The following FRMD3 variants were observed in gnomAD, a reference collection of about 807,000 sequenced individuals.
The protein encoded by FRMD3 is FERM domain-containing protein 3.
In FRMD3, 33 loss-of-function variants were observed where a neutral mutation model predicts 70.2. The ratio of observed to expected loss-of-function variants is 0.47; its 90% CI spans 0.36 to 0.63. The LOEUF is 0.63. Among genes scored for constraint, FRMD3 ranks in the 20% least tolerant of loss-of-function variants. FRMD3 has a pLI of 0.00. For missense variants in FRMD3, 632 were observed against 711.4 expected, an observed-to-expected ratio of 0.89 and a Z score of 1.27; for synonymous variants, 279 against 255.9, an observed-to-expected ratio of 1.09 and a Z score of -0.86.
upstream of FRMD3, among the ~76,000 whole-genome samples, chr9:83,540,159 T>C (rs1398498145): frequency 1.3e-5 from 2 of 152,124 alleles, no homozygotes; most frequent in Non-Finnish European, 2.9e-5. Flanking sequence ...CATATGCACA[T>C]ATGAGGTGGC....
chr9:83,580,343 A>G, the FRMD3 span, among the ~76,000 whole-genome samples: 1 of 152,096 alleles, frequency 6.6e-6, no homozygotes, highest in South Asian at 2.1e-4. Context: ...CATACTCCCA[A>G]TAGCCAAGAT....
intron 13 of FRMD3, among the ~76,000 whole-genome samples, chr9:83,264,926 G>A (rs759501655): frequency 2.6e-5 from 4 of 151,876 alleles, no homozygotes; most frequent in Non-Finnish European, 5.9e-5. Flanking sequence ...CAATTTTGAA[G>A]GTCATAAGCA....
rs548001075 is a variant in FRMD3 at position 83,300,333 on chromosome 9, G to A, written c.927-1147C>T. ...GGCTGAAAGGTGTTAACCAGGGCAC[G>A]GTGCAAGTGGTGGTGGATATACCCA... On this transcript the variant is annotated intron_variant, in intron 10 of 13. Coordinates refer to ENST00000304195, the MANE Select transcript of FRMD3 (RefSeq NM_174938.6). Among the ~76,000 whole-genome samples the A allele has an allele frequency of 3.3e-5, 5 of 152,326 alleles. No homozygotes were observed. The South Asian group carries it at 8.3e-4, about 25-fold the overall frequency.
At chr9:83,526,342 G>T (rs1829683295) in intron 1 of FRMD3, among the ~76,000 whole-genome samples, 1 of 152,180 alleles carries the variant, frequency 6.6e-6, no homozygotes, top group Non-Finnish European at 1.5e-5. Context: ...GTCTCTCCTG[G>T]AATGGCATCG....
intron 1 of FRMD3, among the ~76,000 whole-genome samples, chr9:83,508,558 A>G (rs1223885353): frequency 1.3e-5 from 2 of 151,786 alleles, no homozygotes; most frequent in African/African-American, 4.8e-5. Context: ...GTGTCCTTCT[A>G]CTCTGTTTAA....
chr9:83,467,549 C>A (rs1194428501), intron 1 of FRMD3: 4 of 957,672 alleles, frequency 4.2e-6, no homozygotes, highest in Non-Finnish European at 6.5e-6. Flanking sequence ...TGCATAGTAA[C>A]TCATGACATG....
chr9:83,507,693 T>TATATAC (rs1829224342), intron 1 of FRMD3, among the ~76,000 whole-genome samples: 1 of 27,226 alleles, frequency 3.7e-5, no homozygotes, highest in East Asian at 1.5e-3. Flanking sequence ...TATACATACA[T>TATATAC]ATATATATAT....
upstream of FRMD3, among the ~76,000 whole-genome samples, chr9:83,541,867 C>G (rs922086923): frequency 2.6e-5 from 4 of 152,194 alleles, no homozygotes; most frequent in Non-Finnish European, 4.4e-5. Context: ...AAAGGCCAGG[C>G]TAAAATCCCC....
At chr9:83,420,660 G>A (rs1005417438) in intron 1 of FRMD3, among the ~76,000 whole-genome samples, 1 of 152,136 alleles carries the variant, frequency 6.6e-6, no homozygotes, top group African/African-American at 2.4e-5. Context: ...AGTGTTGGAG[G>A]TGGGCCCTGG....
intron 1 of FRMD3, among the ~76,000 whole-genome samples, chr9:83,529,368 G>C (rs1472927062): frequency 6.6e-6 from 1 of 152,208 alleles, no homozygotes; most frequent in East Asian, 1.9e-4. Context: ...AATAGATACA[G>C]ATTTATTCTG....
At chr9:83,421,817 G>A (rs1826652210) in intron 1 of FRMD3, among the ~76,000 whole-genome samples, 1 of 152,222 alleles carries the variant, frequency 6.6e-6, no homozygotes, top group African/African-American at 2.4e-5. Context: ...AATGTAAGGA[G>A]TTGGAGGTCA....
At chr9:83,251,333 A>G (rs533402624) in intron 13 of FRMD3, among the ~76,000 whole-genome samples, 2 of 152,316 alleles carry the variant, frequency 1.3e-5, no homozygotes, top group Non-Finnish European at 2.9e-5. Flanking sequence ...AACATCAACA[A>G]AAAAGACCCC....
intron 1 of FRMD3, among the ~76,000 whole-genome samples, chr9:83,508,237 A>T (rs1014655715): frequency 2.6e-5 from 4 of 152,224 alleles, no homozygotes; most frequent in African/African-American, 9.6e-5. Flanking sequence ...CTATGATGTC[A>T]GAAGCCAAGA....
intron 1 of FRMD3, among the ~76,000 whole-genome samples, chr9:83,406,722 T>G (rs1826116214): frequency 6.6e-6 from 1 of 152,226 alleles, no homozygotes; most frequent in African/African-American, 2.4e-5. Context: ...GGGTCCTTAT[T>G]TGGTGGTCAG....
At chr9:83,536,028 G>A (rs1162262189) in intron 1 of FRMD3, among the ~76,000 whole-genome samples, 1 of 152,166 alleles carries the variant, frequency 6.6e-6, no homozygotes, top group Non-Finnish European at 1.5e-5. Context: ...AGTACTCTAG[G>A]AAAGTGTGAG....
intron 2 of FRMD3, among the ~76,000 whole-genome samples, chr9:83,386,310 T>C (rs980859317): frequency 1.3e-5 from 2 of 152,174 alleles, no homozygotes; most frequent in Non-Finnish European, 2.9e-5. Context: ...CAAAAGGCTA[T>C]AACAGCTGTA....
At chr9:83,298,419 A>G (rs1429162623) in intron 12 of FRMD3, among the ~76,000 whole-genome samples, 2 of 152,236 alleles carry the variant, frequency 1.3e-5, no homozygotes, top group East Asian at 3.8e-4. Flanking sequence ...AGGCAGGAAC[A>G]GAGAACTTGT....
chr9:83,492,613 T>G (rs924117548), intron 1 of FRMD3, among the ~76,000 whole-genome samples: 1 of 152,198 alleles, frequency 6.6e-6, no homozygotes, highest in African/African-American at 2.4e-5. Flanking sequence ...TAACCCTGTC[T>G]GGCCACCGGG....
chr9:83,392,290 G>A (rs1825687346), intron 1 of FRMD3, among the ~76,000 whole-genome samples: 1 of 152,062 alleles, frequency 6.6e-6, no homozygotes, highest in South Asian at 2.1e-4. Context: ...AAGGAAGTCA[G>A]CTTACAGTCC....
Sources: allele counts gnomAD v4.1 joint callset (sites outside exome capture counted in the v4.1 genomes callset), GRCh38; gene constraint gnomAD v4.1.1; transcripts MANE v1.5; gene names NCBI Gene and HGNC (gene_info 2026-07-23, HGNC 2026-07-21).